Variants in SLC25A46 observed in about 807,000 individuals in gnomAD.
SLC25A46 encodes solute carrier family 25 member 46, also known as mitochondrial outer membrane protein SLC25A46.
A neutral mutation model predicts 44.6 loss-of-function variants in SLC25A46; 39 were observed. The observed-to-expected ratio is 0.87, with a 90% CI of 0.68 to 1.14. SLC25A46 has a LOEUF of 1.14. SLC25A46 is among the 50% of genes most tolerant of loss of function. The pLI is 0.00. For missense variants in SLC25A46, 547 were observed against 522.7 expected (o/e 1.05, Z -0.45); for synonymous variants, 202 against 185.8 (o/e 1.09, Z -0.71).
chr5:110,740,930 C>A (rs973969075), intron 1 of SLC25A46, among the ~76,000 whole-genome samples: 1 of 152,106 alleles, frequency 6.6e-6, no homozygotes, highest in Non-Finnish European at 1.5e-5. Context: ...CCAGCCTGGG[C>A]GACAGAGCGA....
chr5:110,764,429 A>G lies in SLC25A46; in HGVS notation c.*2647A>G, dbSNP rs1800337204. 2 of 151,924 alleles carry G rather than the reference A, an allele frequency of 1.3e-5. No individual in the cohort carries two copies. Among genetic ancestry groups the G allele is most frequent in the South Asian group, 4.1e-4 (2 of 4,830 alleles). The allele number at this position is 151,924 out of a possible 1,614,324, so 9.4% of individuals were successfully genotyped here. On this transcript the variant is annotated 3_prime_UTR_variant, in exon 8 of 8. Transcript: ENST00000355943. Reference sequence around the variant, plus strand: ...CCCCAGAATCTCAGCACTAGATGTCATAAATATGAAATAGTAAAAACAAGG... The same window carrying G: ...CCCCAGAATCTCAGCACTAGATGTCGTAAATATGAAATAGTAAAAACAAGG...
chr5:110,756,760 G>C lies in SLC25A46; in HGVS notation c.678+1G>C, dbSNP rs1384326805. 6.6e-7 allele frequency: 1 copy of C among 1,526,672 alleles called. No homozygotes were observed. Among genetic ancestry groups the C allele is most frequent in the South Asian group, 1.4e-5 (1 of 73,232 alleles). 94.6% of individuals were successfully genotyped at this position (1,526,672 alleles called of 1,614,324 possible). A position where few individuals can be genotyped will look rare whatever the true frequency, so the allele number is the denominator to read the frequency against. On this transcript the variant is annotated splice_donor_variant, in intron 7 of 7. Transcript: ENST00000355943. LOFTEE classifies it high-confidence loss of function. ...AGCAAGTCTGATTGAAACAGTGCAG[G>C]TGAGCTTTTTTTTACTGTCATTTTT...
At position 110,739,178 on chromosome 5, in the gene SLC25A46, ACGAGC is replaced by A; in HGVS notation, c.60_64del (p.Asp20GlufsTer74). On this transcript the variant is annotated frameshift_variant, in exon 1 of 8. Coordinates refer to ENST00000355943, the MANE Select transcript of SLC25A46 (RefSeq NM_138773.4). LOFTEE classifies it high-confidence loss of function. ...TTGGGCTACCGGGGTGGTGCCCGGG[ACGAGC>A]AGGGCTTTGGCGGCGCCTTCCCTGC... The A allele has an allele frequency of 6.4e-7, 1 of 1,551,584 alleles. No homozygotes were observed. Among genetic ancestry groups the A allele is most frequent in the Middle Eastern group, 1.7e-4 (1 of 5,792 alleles).
intron 5 of SLC25A46, among the ~76,000 whole-genome samples, chr5:110,750,384 T>TA (rs889593873): frequency 3.3e-5 from 5 of 151,882 alleles, no homozygotes; most frequent in Admixed American, 6.6e-5. Context: ...AACAATTCTG[T>TA]AAAAAAATAA....
At chr5:110,739,687 A>G (rs1017638782) in intron 1 of SLC25A46, among the ~76,000 whole-genome samples, 1 of 152,218 alleles carries the variant, frequency 6.6e-6, no homozygotes, top group Non-Finnish European at 1.5e-5. Context: ...GTCTGAGTTA[A>G]AAAGGAGATT....
intron 2 of SLC25A46, 109 bp from the exon 3 acceptor site, chr5:110,743,621 A>G (rs1165768356): frequency 1.8e-6 from 1 of 562,628 alleles, no homozygotes; most frequent in Non-Finnish European, 3.0e-6. Flanking sequence ...AATGGAAAAC[A>G]TAAAATAATG....
At position 110,755,369 on chromosome 5, in the gene SLC25A46, A is replaced by T. The variant is rs1182437202; in HGVS notation, c.564-96A>T. 5.5e-6 allele frequency: 4 copies of T among 728,008 alleles called. No individual in the cohort carries two copies. In the African/African-American group the frequency reaches 7.3e-5, roughly 13 times the overall value. 45.1% of individuals were successfully genotyped at this position (728,008 alleles called of 1,614,324 possible). A position where few individuals can be genotyped will look rare whatever the true frequency, so the allele number is the denominator to read the frequency against. On this transcript the variant is annotated intron_variant, in intron 5 of 7. Transcript: ENST00000355943. ...TATATTTCTCCTACAGATTGAAAAA[A>T]ATTAGAAGTTGATTACTGTTTTGAA...
chr5:110,739,057 G>A lies in SLC25A46; in HGVS notation c.-63G>A, dbSNP rs778727882. ...GCCGACGGGAAGCTGTGTGTGCTTA[G>A]GTCGTGGTGGCCCCGGTGGTGGTGG... On this transcript the variant is annotated 5_prime_UTR_variant, in exon 1 of 8. Coordinates refer to ENST00000355943, the MANE Select transcript of SLC25A46 (RefSeq NM_138773.4). 126 of 1,523,998 alleles carry A rather than the reference G, an allele frequency of 8.3e-5. 1 individual carries two copies. In the East Asian group the frequency reaches 1.1e-3, roughly 13 times the overall value. The allele number at this position is 1,523,998 out of a possible 1,614,324, so 94.4% of individuals were successfully genotyped here. A position where few individuals can be genotyped will look rare whatever the true frequency, so the allele number is the denominator to read the frequency against.
intron 6 of SLC25A46, chr5:110,756,239 T>G (rs1357891509): frequency 6.6e-6 from 1 of 151,750 alleles, no homozygotes; most frequent in Non-Finnish European, 1.5e-5. Context: ...GTATAATGTT[T>G]TTTTTTTTTT....
chr5:110,755,292 C>A, intron 5 of SLC25A46, 173 bp from the exon 6 acceptor site: 1 of 455,818 alleles, frequency 2.2e-6, no homozygotes, highest in Non-Finnish European at 3.9e-6. Context: ...TCTCTCAAAC[C>A]ATCACAGTTG....
rs962730608 is a variant in SLC25A46 at position 110,763,636 on chromosome 5, G to C, written c.*1854G>C. On this transcript the variant is annotated 3_prime_UTR_variant, in exon 8 of 8. Coordinates refer to ENST00000355943, the MANE Select transcript of SLC25A46 (RefSeq NM_138773.4). The stretch of plus-strand genomic sequence containing the variant: ...TCTGAATAGAATCAAGTATTTACTA[G>C]TGAAAATCTGTAGGATCCTTTGTTT... 4 of 151,828 alleles carry C rather than the reference G, an allele frequency of 2.6e-5. No individual in the cohort carries two copies. The highest frequency in any genetic ancestry group is 9.7e-5 in the African/African-American group (4 of 41,390). 9.4% of individuals were successfully genotyped at this position (151,828 alleles called of 1,614,324 possible).
At chr5:110,741,959 T>C in intron 1 of SLC25A46, 88 bp from the exon 2 acceptor site, 3 of 909,930 alleles carry the variant, frequency 3.3e-6, no homozygotes, top group Non-Finnish European at 5.1e-6. Context: ...AAATAAATTT[T>C]TTAAAATTGT....
intron 6 of SLC25A46, among the ~76,000 whole-genome samples, chr5:110,756,466 T>C (rs948497477): frequency 3.3e-5 from 5 of 152,130 alleles, no homozygotes; most frequent in African/African-American, 7.2e-5. Context: ...ATCTATTTTC[T>C]TTGCAGGCTG....
At chr5:110,760,507 GCCCCTGGCTA>G (rs1244203805) in intron 7 of SLC25A46, among the ~76,000 whole-genome samples, 4 of 152,128 alleles carry the variant, frequency 2.6e-5, no homozygotes, top group Non-Finnish European at 4.4e-5. Context: ...GCATGATATA[GCCCCTGGCTA>G]CCTTATAAAT....
intron 1 of SLC25A46, among the ~76,000 whole-genome samples, chr5:110,741,199 G>A (rs1799680343): frequency 2.0e-5 from 3 of 152,182 alleles, no homozygotes; most frequent in Admixed American, 2.0e-4. Context: ...GTCCCCTGGG[G>A]TTGTAATAGT....
intron 7 of SLC25A46, among the ~76,000 whole-genome samples, chr5:110,759,496 A>C (rs1800194826): frequency 6.6e-6 from 1 of 152,156 alleles, no homozygotes; most frequent in Non-Finnish European, 1.5e-5. Flanking sequence ...AATTGTATTT[A>C]GAGGGAAAGC....
intron 7 of SLC25A46, among the ~76,000 whole-genome samples, chr5:110,758,852 T>TA (rs1272046954): frequency 2.6e-5 from 4 of 152,136 alleles, no homozygotes; most frequent in Non-Finnish European, 5.9e-5. Flanking sequence ...TCAATACTCA[T>TA]ACAAGATTGT....
Position 110,748,321 on chromosome 5 carries a change from C to T in SLC25A46, c.563+58C>T. On this transcript the variant is annotated intron_variant, in intron 5 of 7. Transcript: ENST00000355943. ...TCATGTGGTGATGTGTTTTTAGATG[C>T]AGGCGGTACATGTGCAGGCTTGTTA... The T allele has an allele frequency of 3.6e-6, 5 of 1,374,806 alleles. No homozygotes were observed. In the South Asian group the frequency reaches 5.8e-5, roughly 16 times the overall value. The allele number at this position is 1,374,806 out of a possible 1,614,324, so 85.2% of individuals were successfully genotyped here.
At position 110,743,725 on chromosome 5, in the gene SLC25A46, T is replaced by C; in HGVS notation, c.327-5T>C. 1 of 1,569,782 alleles carries C rather than the reference T, an allele frequency of 6.4e-7. No homozygotes were observed. Among genetic ancestry groups the C allele is most frequent in the South Asian group, 1.2e-5 (1 of 86,870 alleles). On this transcript the variant is annotated splice_polypyrimidine_tract_variant and splice_region_variant and intron_variant, in intron 2 of 7. Transcript: ENST00000355943. ...CATACATATACATAAATTATTTTTA[T>C]ATAGTCTCTTTACAGAAAATGTATT...
Sources: gnomAD v4.1 joint callset for allele counts (sites outside exome capture counted in the v4.1 genomes callset) on GRCh38, gnomAD v4.1.1 for gene constraint, MANE v1.5 for transcripts, NCBI Gene and HGNC (gene_info 2026-07-23, HGNC 2026-07-21) for gene names.